NANOS3: variants seen among roughly 807,000 people sequenced by gnomAD.
The protein encoded by NANOS3 is nanos C2HC-type zinc finger 3, also known as nanos homolog 3.
Under a neutral mutation model 13.8 loss-of-function variants are expected in NANOS3, and 11 were observed. That is an observed-to-expected ratio of 0.80 (90% CI 0.50 to 1.32). NANOS3 has a LOEUF of 1.32. Among genes scored for constraint, NANOS3 ranks in the 40% most tolerant of loss-of-function variants. NANOS3 has a pLI of 0.00. For synonymous variants in NANOS3, 119 were observed against 115.4 expected (o/e 1.03, Z -0.20); for missense variants, 221 against 263.8 (o/e 0.84, Z 1.12).
intron 1 of NANOS3, among the ~76,000 whole-genome samples, chr19:13,865,903 G>T (rs1036172771): frequency 2.0e-5 from 3 of 151,880 alleles, no homozygotes; most frequent in African/African-American, 7.2e-5. Context: ...CTCGGAAATC[G>T]AATGCCAGAA....
upstream of NANOS3, among the ~76,000 whole-genome samples, chr19:13,872,914 G>T (rs1968424588): frequency 6.6e-6 from 1 of 152,200 alleles, no homozygotes; most frequent in Non-Finnish European, 1.5e-5. Flanking sequence ...CGGGAGGCGG[G>T]AGGGGGGCTT....
chr19:13,880,277 G>T (rs948131013), intron 1 of NANOS3, among the ~76,000 whole-genome samples, 165 bp from the exon 2 acceptor site: 3 of 152,180 alleles, frequency 2.0e-5, no homozygotes. Context: ...GGGTCCCAGC[G>T]GGGCCGCCCG....
At chr19:13,871,688 C>T (rs1976329843) in intron 1 of NANOS3, among the ~76,000 whole-genome samples, 1 of 152,192 alleles carries the variant, frequency 6.6e-6, no homozygotes, top group Non-Finnish European at 1.5e-5. Context: ...CCGCCCCCAA[C>T]ATTAAAGCTG....
At chr19:13,873,257 C>T (rs1218345474), upstream of NANOS3, among the ~76,000 whole-genome samples, 4 of 120,146 alleles carry the variant, frequency 3.3e-5, no homozygotes, top group African/African-American at 1.3e-4. Context: ...CTGGTGGCTC[C>T]AGACTGTGGG....
At chr19:13,874,201 C>T (rs1303522666), upstream of NANOS3, among the ~76,000 whole-genome samples, 1 of 152,180 alleles carries the variant, frequency 6.6e-6, no homozygotes, top group African/African-American at 2.4e-5. Context: ...AAGCGCTCCA[C>T]TCACGCTGTT....
chr19:13,863,848 G>C (rs1298047166), upstream of NANOS3, among the ~76,000 whole-genome samples: 1 of 152,034 alleles, frequency 6.6e-6, no homozygotes, highest in Non-Finnish European at 1.5e-5. Context: ...CGATGTGGGA[G>C]GGTGAACCTG....
At chr19:13,869,129 G>A (rs933840659) in intron 1 of NANOS3, among the ~76,000 whole-genome samples, 15 of 152,050 alleles carry the variant, frequency 9.9e-5, no homozygotes, top group African/African-American at 3.6e-4. Flanking sequence ...GGGTCACCCA[G>A]CACCATAAGC....
At chr19:13,879,797 G>A (rs959919088) in intron 1 of NANOS3, among the ~76,000 whole-genome samples, 5 of 152,002 alleles carry the variant, frequency 3.3e-5, no homozygotes, top group African/African-American at 1.2e-4. Context: ...AGCTGAGGCA[G>A]GTGGATCACC....
At chr19:13,879,326 T>G (rs1968581937) in intron 1 of NANOS3, among the ~76,000 whole-genome samples, 1 of 152,144 alleles carries the variant, frequency 6.6e-6, no homozygotes, top group Non-Finnish European at 1.5e-5. Context: ...CCAGTCTAAC[T>G]AGGTGTGTTT....
chr19:13,879,919 G>A (rs887328274), intron 1 of NANOS3, among the ~76,000 whole-genome samples: 11 of 152,100 alleles, frequency 7.2e-5, no homozygotes, highest in Admixed American at 3.3e-4. Context: ...CCTGCTACTC[G>A]GGGGGCTGAG....
chr19:13,874,031 C>T (rs893763328), upstream of NANOS3, among the ~76,000 whole-genome samples: 3 of 152,144 alleles, frequency 2.0e-5, no homozygotes, highest in Non-Finnish European at 2.9e-5. Flanking sequence ...GCAGCCCCCA[C>T]GTGGCTGCGC....
intron 1 of NANOS3, among the ~76,000 whole-genome samples, chr19:13,870,172 C>T (rs969144594): frequency 1.2e-4 from 19 of 152,064 alleles, no homozygotes; most frequent in African/African-American, 3.9e-4. Flanking sequence ...CTCGACTTCC[C>T]TGGCTTGCGT....
chr19:13,866,158 C>T (rs1400316978), intron 1 of NANOS3, among the ~76,000 whole-genome samples: 1 of 152,140 alleles, frequency 6.6e-6, no homozygotes, highest in African/African-American at 2.4e-5. Flanking sequence ...GGAACCCGCC[C>T]TCCAAAACTG....
chr19:13,870,112 G>A (rs187221406), intron 1 of NANOS3, among the ~76,000 whole-genome samples: 155 of 151,282 alleles, frequency 1.0e-3, no homozygotes, highest in Non-Finnish European at 1.8e-3. Context: ...GTGCAGTGGC[G>A]TGACTGCGTC....
upstream of NANOS3, among the ~76,000 whole-genome samples, chr19:13,875,292 T>C (rs1480914403): frequency 2.6e-5 from 4 of 151,864 alleles, no homozygotes; most frequent in African/African-American, 9.7e-5. Flanking sequence ...GTTTGAGTGA[T>C]TCTCTGGCCT....
upstream of NANOS3, among the ~76,000 whole-genome samples, chr19:13,872,292 C>T (rs1221555267): frequency 6.8e-6 from 1 of 147,328 alleles, no homozygotes; most frequent in Non-Finnish European, 1.5e-5. Flanking sequence ...TTGCAGTGGG[C>T]AGAGATCGCG....
upstream of NANOS3, among the ~76,000 whole-genome samples, chr19:13,863,406 C>T (rs1419660453): frequency 1.3e-5 from 2 of 152,038 alleles, no homozygotes; most frequent in African/African-American, 2.4e-5. Context: ...TTTGTAGAGA[C>T]AGTGTCTCGC....
chr19:13,874,316 G>A (rs556053366), upstream of NANOS3, among the ~76,000 whole-genome samples: 1 of 152,326 alleles, frequency 6.6e-6, no homozygotes, highest in Non-Finnish European at 1.5e-5. Context: ...TGCCCTCGGG[G>A]CCAGGATCCT....
chr19:13,877,454 C>T lies in NANOS3; in HGVS notation c.206C>T (p.Ser69Phe). 6.2e-7 allele frequency: 1 copy of T among 1,611,802 alleles called. No individual in the cohort carries two copies. Among genetic ancestry groups the T allele is most frequent in the East Asian group, 2.2e-5 (1 of 44,880 alleles). ...AAGGATCAGAAGCGCAGCCTGGAGTCCTCGCCAGCTCCCGAACGCCTGTGC... is the reference window on the plus strand; with the variant it reads ...AAGGATCAGAAGCGCAGCCTGGAGTTCTCGCCAGCTCCCGAACGCCTGTGC... ...GPKDQKRSLE[S>F]SPAPERLCSF... The change falls in exon 1 of 2, where the codon TCC (serine) becomes TTC (phenylalanine). Residue 69 changes from serine (S) to phenylalanine (F), a missense_variant. Around this residue, in one of 3 missense-constraint regions of NANOS3, gnomAD observed 112 missense variants for 116.3 expected, o/e 0.96. Transcript: ENST00000339133.
Sources: gnomAD v4.1 joint callset for allele counts (sites outside exome capture counted in the v4.1 genomes callset) on GRCh38, gnomAD v4.1.1 for gene constraint, gnomAD v4.1.1 regional missense constraint, MANE v1.5 for transcripts, NCBI Gene and HGNC (gene_info 2026-07-23, HGNC 2026-07-21) for gene names.